Variants in IGSF22 observed in about 807,000 individuals in gnomAD.
The protein encoded by IGSF22 is immunoglobulin superfamily, member 22.
IGSF22 carries 119 observed loss-of-function variants against 127.0 expected under a neutral mutation model. The ratio of observed to expected loss-of-function variants is 0.94; its 90% confidence interval spans 0.81 to 1.09. The LOEUF (loss-of-function observed/expected upper bound fraction) is 1.09, where lower values mean the gene tolerates loss of function less well. Ranked by LOEUF, IGSF22 falls within the 50% of genes least tolerant of loss-of-function variation. The pLI, the probability that IGSF22 is intolerant of heterozygous loss-of-function variation, is 0.00. For missense variants in IGSF22, 1,518 were observed against 1,716.6 expected (o/e 0.88, Z 2.04); for synonymous variants, 568 against 664.7 (o/e 0.85, Z 2.24).
intron 14 of IGSF22, 81 bp downstream of exon 14, chr11:18,713,771 C>G: frequency 1.7e-6 from 2 of 1,161,242 alleles, no homozygotes; most frequent in Non-Finnish European, 2.4e-6. Flanking sequence ...ACTCTGGCCT[C>G]CTACTCAGCC....
intron 2 of IGSF22, among the ~76,000 whole-genome samples, chr11:18,722,529 C>T (rs571064075): frequency 7.2e-5 from 11 of 152,150 alleles, no homozygotes; most frequent in East Asian, 1.9e-4. Context: ...GGACAGGACA[C>T]GACACAGTCC....
chr11:18,705,054 GT>G (rs1220936444), intron 22 of IGSF22, among the ~76,000 whole-genome samples: 1 of 150,660 alleles, frequency 6.6e-6, no homozygotes, highest in Non-Finnish European at 1.5e-5. Flanking sequence ...CCAAAGAAAG[GT>G]ATCTATAACT....
intron 22 of IGSF22, chr11:18,705,272 GGCTA>G (rs1848201790): frequency 6.6e-6 from 1 of 150,926 alleles, no homozygotes; most frequent in Admixed American, 6.5e-5. Context: ...CTAGCTGTGT[GGCTA>G]TGAAGACAGT....
chr11:18,719,210 T>A (rs1438084883), intron 7 of IGSF22, among the ~76,000 whole-genome samples: 1 of 152,152 alleles, frequency 6.6e-6, no homozygotes, highest in Non-Finnish European at 1.5e-5. Context: ...AGTGGCGTGA[T>A]CTTGGCTCAC....
chr11:18,704,685 G>C (rs751056944), intron 22 of IGSF22, 147 bp from the exon 23 acceptor site: 1 of 633,978 alleles, frequency 1.6e-6, no homozygotes, highest in Non-Finnish European at 2.8e-6. Flanking sequence ...GGCAAGAGCT[G>C]CCATTTATCT....
In IGSF22 at chr11:18,714,280, C is replaced by T. The variant is rs200687011; in HGVS notation, c.1795G>A (p.Ala599Thr). Residue 599 changes from alanine to threonine, a missense_variant, in exon 13 of 23, where the codon GCA (alanine) becomes ACA (threonine). Physicochemically the swap from Ala to Thr is moderately conservative, Grantham distance 58. Around this residue, in one of 3 missense-constraint regions of IGSF22, gnomAD observed 1,456 missense variants for 1,644.9 expected, o/e 0.89. Coordinates refer to ENST00000513874, the MANE Select transcript of IGSF22 (RefSeq NM_173588.4). The stretch of plus-strand genomic sequence containing the variant: ...CCTACCTTGGACAGATCCATACCTG[C>T]GATGAATACAGAGGCTTCACTTTCC... ...GTESEASVFI[A>T]DPPTIDPSVL... is the part of the protein sequence containing the mutation. 23 of 1,612,450 alleles carry T rather than the reference C, an allele frequency of 1.4e-5. No homozygotes were observed. Among genetic ancestry groups the T allele is most frequent in the South Asian group, 6.6e-5 (6 of 90,722 alleles).
chr11:18,719,168 G>A (rs867956366), intron 7 of IGSF22, among the ~76,000 whole-genome samples: 1 of 152,100 alleles, frequency 6.6e-6, no homozygotes, highest in African/African-American at 2.4e-5. Context: ...GTTTTGAGAC[G>A]GAGTCTTGCT....
rs375296579 is a variant in IGSF22, at chr11:18,707,946, C to G, written c.3138G>C (p.Lys1046Asn). The G allele has an allele frequency of 6.2e-5, 100 of 1,614,178 alleles. 3 individuals carry two copies. The East Asian group carries it at 9.4e-4, about 15-fold the overall frequency. ...TGCTCTTGGTAATTGTCTCTCGGCCCTTGGTGGGAACGCCATCTTTCTGCC... is the reference window on the plus strand; with the variant it reads ...TGCTCTTGGTAATTGTCTCTCGGCCGTTGGTGGGAACGCCATCTTTCTGCC... Reference protein sequence around the residue: ...VIWQKDGVPTKGRETITKSKN... With the variant: ...VIWQKDGVPTNGRETITKSKN... The change falls in exon 20 of 23, where the codon AAG (lysine) becomes AAC (asparagine). Residue 1046 changes from lysine (K) to asparagine (N), a missense_variant. Coordinates refer to ENST00000513874, the MANE Select transcript of IGSF22 (RefSeq NM_173588.4).
chr11:18,713,372 C>T lies in IGSF22; in HGVS notation c.2095+480G>A, dbSNP rs150177953. Among the ~76,000 whole-genome samples the T allele has an allele frequency of 3.0e-4, 46 of 152,144 alleles. 1 individual carries two copies. Among genetic ancestry groups the T allele is most frequent in the African/African-American group, 1.0e-3 (43 of 41,526 alleles). ...TTCGCCATGTTGGCCAGGCTGGTTT[C>T]GAACTCCTGACCTTAAGTGATCCAC... On this transcript the variant is annotated intron_variant, in intron 14 of 22. Transcript: ENST00000513874.
At position 18,704,517 on chromosome 11, in the gene IGSF22, A is replaced by T. The variant is rs567383064; in HGVS notation, c.3932T>A (p.Val1311Glu). ...TVYDKDDKSV[V>E]ASITESLQKK... ...CTGCAGACTCTCGGTGATGGATGCTACAACTGACTTATCATCTTTGTCTGA... is the reference window on the plus strand; with the variant it reads ...CTGCAGACTCTCGGTGATGGATGCTTCAACTGACTTATCATCTTTGTCTGA... The change falls in exon 23 of 23, where the codon GTA becomes GAA. Residue 1311 changes from valine (V) to glutamate (E), a missense_variant. Transcript: ENST00000513874. 5.8e-6 allele frequency: 9 copies of T among 1,550,258 alleles called. No homozygotes were observed. In the African/African-American group the frequency reaches 8.2e-5, roughly 14 times the overall value.
Position 18,712,144 on chromosome 11 carries a change from A to G in IGSF22, c.2336T>C (p.Val779Ala), listed in dbSNP as rs1848369199. The change falls in exon 15 of 23, where the codon GTC (valine) becomes GCC (alanine). Residue 779 changes from valine to alanine, a missense_variant. Physicochemically the swap from Val to Ala is moderately conservative, Grantham distance 64. This residue lies in a region of IGSF22 where 1,456 missense variants were observed against 1,644.9 expected (regional missense o/e 0.89). Transcript: ENST00000513874. ...GKAYQFRILA[V>A]NSEGVSDPLE... Reference sequence around the variant, plus strand: ...TGGGTCACTCACACCTTCTGAATTGACTGCCAGGATACGGAACTGGTAGGC... The same window carrying G: ...TGGGTCACTCACACCTTCTGAATTGGCTGCCAGGATACGGAACTGGTAGGC... 1 of 1,551,564 alleles carries G rather than the reference A, an allele frequency of 6.4e-7. No homozygotes were observed. The highest frequency in any genetic ancestry group is 8.7e-7 in the Non-Finnish European group (1 of 1,146,998).
At chr11:18,721,779 G>T in intron 3 of IGSF22, 108 bp from the exon 4 acceptor site, 2 of 1,587,952 alleles carry the variant, frequency 1.3e-6, no homozygotes, top group Non-Finnish European at 1.7e-6. Context: ...CTGGCCCCGG[G>T]CAGGGGAGGA....
Position 18,723,071 on chromosome 11 carries a change from C to T in IGSF22, c.110-1030G>A, listed in dbSNP as rs912276026. ...GTCAGTGGGAGGTGAATAGTGGCTG[C>T]CCCTTTAGATGGGATATACAGTCTC... On this transcript the variant is annotated intron_variant, in intron 2 of 22. Transcript: ENST00000513874. 3.9e-5 allele frequency among the ~76,000 whole-genome samples: 6 copies of T among 152,330 alleles called. No homozygotes were observed. The East Asian group carries it at 5.8e-4, about 15-fold the overall frequency.
At position 18,706,179 on chromosome 11, in the gene IGSF22, C is replaced by T. The variant is rs1210971556; in HGVS notation, c.3581-33G>A. The T allele has an allele frequency of 6.6e-6, 10 of 1,507,190 alleles. No homozygotes were observed. The Admixed American group carries it at 1.6e-4, about 25-fold the overall frequency. The allele number at this position is 1,507,190 out of a possible 1,614,324, so 93.4% of individuals were successfully genotyped here. A position where few individuals can be genotyped will look rare whatever the true frequency, so the allele number is the denominator to read the frequency against. ...GGCGGGGCGGGGCAGGCCGTGAGGG[C>T]GCCCCAAGGCCCCCACCCACCACCC... On this transcript the variant is annotated intron_variant, in intron 21 of 22. Transcript: ENST00000513874.
chr11:18,720,410 G>A, intron 4 of IGSF22, 125 bp from the exon 5 acceptor site: 1 of 663,350 alleles, frequency 1.5e-6, no homozygotes, highest in South Asian at 1.9e-5. Flanking sequence ...GGGTATATGT[G>A]TGGAGGATTG....
rs1848418070 is a variant in IGSF22, at chr11:18,714,364, T to A, written c.1711A>T (p.Ile571Phe). The A allele has an allele frequency of 1.2e-6, 2 of 1,613,554 alleles. No homozygotes were observed. The highest frequency in any genetic ancestry group is 1.3e-5 in the African/African-American group (1 of 74,928). The change falls in exon 13 of 23, where the codon ATC (isoleucine) becomes TTC (phenylalanine). Residue 571 changes from isoleucine (I) to phenylalanine (F), a missense_variant. Around this residue, in one of 3 missense-constraint regions of IGSF22, gnomAD observed 1,456 missense variants for 1,644.9 expected, o/e 0.89. Coordinates refer to ENST00000513874, the MANE Select transcript of IGSF22 (RefSeq NM_173588.4). ...IVKQGAVHKL[I>F]FPSMGPEHEG... is the part of the protein sequence containing the mutation. ...TGCTCAGGGCCCATACTGGGAAAGA[T>A]GAGCTTGTGCACTGCACCCTGCTTC...
Position 18,716,679 on chromosome 11 carries a change from G to T in IGSF22, c.1246+49C>A, listed in dbSNP as rs1317900617. 1 of 1,575,990 alleles carries T rather than the reference G, an allele frequency of 6.3e-7. No homozygotes were observed. Among genetic ancestry groups the T allele is most frequent in the Non-Finnish European group, 8.7e-7 (1 of 1,149,184 alleles). On this transcript the variant is annotated intron_variant, in intron 10 of 22. Coordinates refer to ENST00000513874, the MANE Select transcript of IGSF22 (RefSeq NM_173588.4). The surrounding 1 kb of genome is among the most constrained non-coding windows in gnomAD (Gnocchi z 4.5). ...ATAAATGATGACTACCTGCATGGAG[G>T]TTGCTGTGCCATAAAGCCCACCCCT...
At chr11:18,723,079 G>C (rs1421622760) in intron 2 of IGSF22, among the ~76,000 whole-genome samples, 1 of 152,220 alleles carries the variant, frequency 6.6e-6, no homozygotes, top group African/African-American at 2.4e-5. Flanking sequence ...TGCCCCTTTA[G>C]ATGGGATATA....
At chr11:18,711,058 G>A (rs902408008) in intron 15 of IGSF22, among the ~76,000 whole-genome samples, 11 of 152,260 alleles carry the variant, frequency 7.2e-5, no homozygotes, top group South Asian at 6.2e-4. Context: ...TTACAGGCAT[G>A]AGCCACAGTG....
Sources: allele counts gnomAD v4.1 joint callset (sites outside exome capture counted in the v4.1 genomes callset), GRCh38; gene constraint gnomAD v4.1.1; regional missense constraint gnomAD v4.1.1; non-coding constraint Gnocchi (gnomAD v3.1); transcripts MANE v1.5; gene names NCBI Gene and HGNC (gene_info 2026-07-23, HGNC 2026-07-21).